The following DMD variants were observed in gnomAD, a reference collection of about 807,000 sequenced individuals.
The protein encoded by DMD is mutant dystrophin.
In DMD, 63 loss-of-function variants were observed where a neutral mutation model predicts 330.1. The ratio of observed to expected loss-of-function variants is 0.19; its 90% CI spans 0.16 to 0.24. DMD has a LOEUF of 0.24. Among genes scored for constraint, DMD ranks in the 10% least tolerant of loss-of-function variants. The probability of loss-of-function intolerance (pLI) is 1.00; values close to 1 mark genes in which losing one functional copy is unlikely to be tolerated. For synonymous variants in DMD, 1,223 were observed against 959.8 expected (o/e 1.27, Z -5.07); for missense variants, 3,344 against 2,684.1 (o/e 1.25, Z -5.43).
intron 1 of DMD, among the ~76,000 whole-genome samples, chrX:33,022,556 C>T (rs181058943): frequency 9.1e-6 from 1 of 110,118 alleles, no homozygotes. Flanking sequence ...ATTATTAATA[C>T]AATTAATTGT....
chrX:32,438,517 TTGGG>T, intron 28 of DMD, 127 bp from the exon 29 acceptor site: 2 of 850,212 alleles, frequency 2.4e-6, no homozygotes, highest in Non-Finnish European at 3.4e-6. Flanking sequence ...CAAATTTTAA[TTGGG>T]ATTAAAAACA....
chrX:31,668,219 C>A (rs950693713), intron 53 of DMD, among the ~76,000 whole-genome samples: 1 of 111,481 alleles, frequency 9.0e-6, no homozygotes, highest in African/African-American at 3.2e-5. Context: ...TGAGGATTGT[C>A]TTTTCCCTTT....
intron 38 of DMD, 21 bp from the exon 39 acceptor site, chrX:32,346,101 C>T (rs777833097): frequency 1.7e-6 from 2 of 1,207,006 alleles, no homozygotes; most frequent in East Asian, 5.9e-5. Flanking sequence ...ACAACAAGTA[C>T]AGTCTTCATT....
chrX:32,955,798 C>A (rs1262715611), intron 2 of DMD, among the ~76,000 whole-genome samples: 2 of 111,913 alleles, frequency 1.8e-5, no homozygotes, highest in Non-Finnish European at 1.9e-5. Flanking sequence ...ATAGGTAGTC[C>A]TTTCCCCATT....
chrX:31,812,029 C>A (rs932479437), intron 50 of DMD, among the ~76,000 whole-genome samples: 3 of 105,360 alleles, frequency 2.8e-5, no homozygotes, highest in Admixed American at 1.0e-4. Context: ...GGTATTGTCA[C>A]AATAAATTAA....
In DMD at chrX:33,304,398, C is replaced by T. The variant is rs1239649541; in HGVS notation, c.7+34861G>A. ...CTGAAACTGGATCCCTTCCTCACACCTTATACAAAAATTAATTCAAGATGG... is the reference window on the plus strand; with the variant it reads ...CTGAAACTGGATCCCTTCCTCACACTTTATACAAAAATTAATTCAAGATGG... On this transcript the variant is annotated intron_variant, in intron 1 of 17. Coordinates refer to the DMD transcript ENST00000288447. 3.6e-5 allele frequency among the ~76,000 whole-genome samples: 4 copies of T among 111,273 alleles called. No individual in the cohort carries two copies. The East Asian group carries it at 1.1e-3, about 31-fold the overall frequency.
chrX:32,548,445 A>G (rs779028168), intron 16 of DMD, among the ~76,000 whole-genome samples: 3 of 112,087 alleles, frequency 2.7e-5, no homozygotes, highest in South Asian at 7.3e-4. Context: ...CCTTGTTTAT[A>G]GGGTCTTTCT....
intron 53 of DMD, among the ~76,000 whole-genome samples, chrX:31,675,929 C>G (rs2082053557): frequency 8.9e-6 from 1 of 112,168 alleles, no homozygotes; most frequent in Admixed American, 9.4e-5. Context: ...TCATTAATTG[C>G]TTTTTGGTAT....
intron 2 of DMD, among the ~76,000 whole-genome samples, chrX:32,987,307 G>C (rs1265021440): frequency 9.0e-6 from 1 of 111,333 alleles, no homozygotes; most frequent in African/African-American, 3.3e-5. Context: ...CTCCCCACTT[G>C]GCATTCCTGC....
chrX:31,646,936 A>C (rs757357743), intron 54 of DMD, among the ~76,000 whole-genome samples: 12 of 112,077 alleles, frequency 1.1e-4, no homozygotes, highest in Non-Finnish European at 1.9e-4. Context: ...CCTTATGCAC[A>C]CAACTCTCTA....
At chrX:33,130,544 C>CTATA (rs57119968) in intron 1 of DMD, among the ~76,000 whole-genome samples, 1 of 106,073 alleles carries the variant, frequency 9.4e-6, no homozygotes, top group Non-Finnish European at 1.9e-5. Flanking sequence ...CTAGTAGGGA[C>CTATA]TATATATATA....
chrX:32,379,023 C>A (rs1219836196), intron 34 of DMD, among the ~76,000 whole-genome samples: 4 of 81,755 alleles, frequency 4.9e-5, no homozygotes, highest in Non-Finnish European at 9.2e-5. Context: ...ATAATGAGAA[C>A]CTTCCAAATA....
chrX:31,803,648 C>G (rs2092168816), intron 50 of DMD, among the ~76,000 whole-genome samples: 3 of 69,360 alleles, frequency 4.3e-5, no homozygotes, highest in African/African-American at 1.7e-4. Flanking sequence ...TCCTTCCTTT[C>G]TTTGTCTTCC....
At position 31,209,605 on chromosome X, in the gene DMD, A is replaced by C; in HGVS notation, c.9456T>G (p.Asn3152Lys). 8.3e-7 allele frequency: 1 copy of C among 1,211,784 alleles called. No homozygotes were observed. The highest frequency in any genetic ancestry group is 1.1e-6 in the Non-Finnish European group (1 of 895,405). Residue 3152 changes from asparagine to lysine, a missense_variant, in exon 65 of 79, where the codon AAT (asparagine) becomes AAG (lysine). Transcript: ENST00000357033. ...DQPMDILQII[N>K]CLTTIYDRLE... is the part of the protein sequence containing the mutation. ...GGCGGTCATAAATAGTGGTCAAACA[A>C]TTAATAATCTGCAGGATATCCATGG...
intron 7 of DMD, among the ~76,000 whole-genome samples, chrX:32,729,610 A>G (rs993476366): frequency 8.9e-6 from 1 of 111,861 alleles, no homozygotes; most frequent in African/African-American, 3.2e-5. Flanking sequence ...TCATCTCAGC[A>G]GATTTCTACC....
At chrX:31,703,972 T>C (rs1242534231) in intron 52 of DMD, among the ~76,000 whole-genome samples, 2 of 111,448 alleles carry the variant, frequency 1.8e-5, no homozygotes, top group African/African-American at 3.3e-5. Context: ...AGACATAAGT[T>C]ACCCTTCCTA....
intron 44 of DMD, among the ~76,000 whole-genome samples, chrX:32,055,376 A>G (rs1158301340): frequency 8.9e-6 from 1 of 112,305 alleles, no homozygotes; most frequent in Admixed American, 9.4e-5. Flanking sequence ...TGTGACATTC[A>G]ATTTATAGTA....
intron 1 of DMD, among the ~76,000 whole-genome samples, chrX:33,231,764 G>C (rs1603422323): frequency 8.9e-6 from 1 of 111,866 alleles, no homozygotes; most frequent in Middle Eastern, 4.7e-3. Flanking sequence ...CCATAGAGGA[G>C]ATTCTTAACA....
chrX:32,426,006 A>C (rs2098211389), intron 29 of DMD, among the ~76,000 whole-genome samples: 2 of 112,230 alleles, frequency 1.8e-5, no homozygotes. Context: ...TTAAAATGTC[A>C]AAGCAAAACT....
Sources: gnomAD v4.1 joint callset for allele counts (sites outside exome capture counted in the v4.1 genomes callset) on GRCh38, gnomAD v4.1.1 for gene constraint, MANE v1.5 for transcripts, NCBI Gene and HGNC (gene_info 2026-07-23, HGNC 2026-07-21) for gene names.